MAGI2: variants seen among roughly 807,000 people sequenced by gnomAD.
The protein encoded by MAGI2 is membrane-associated guanylate kinase, WW and PDZ domain-containing protein 2.
MAGI2 carries 35 observed loss-of-function variants against 133.3 expected under a neutral mutation model. The ratio of observed to expected loss-of-function variants is 0.26; its 90% confidence interval spans 0.20 to 0.35. MAGI2 has a LOEUF of 0.35. Among genes scored for constraint, MAGI2 ranks in the 10% least tolerant of loss-of-function variants. MAGI2 has a pLI of 1.00. For synonymous variants in MAGI2, 729 were observed against 710.6 expected, an observed-to-expected ratio of 1.03 and a Z score of -0.41; for missense variants, 1,636 against 1,863.4, an observed-to-expected ratio of 0.88 and a Z score of 2.25.
At chr7:79,399,102 T>C (rs1246996713) in intron 1 of MAGI2, among the ~76,000 whole-genome samples, 1 of 143,984 alleles carries the variant, frequency 6.9e-6, no homozygotes, top group Non-Finnish European at 1.5e-5. Flanking sequence ...TTTCTTTTTT[T>C]TTTTTTTTGG....
intron 20 of MAGI2, among the ~76,000 whole-genome samples, chr7:78,109,218 GGC>G (rs2150458722): frequency 7.7e-6 from 1 of 130,246 alleles, no homozygotes; most frequent in East Asian, 2.6e-4. Flanking sequence ...GCAGGAGAAT[GGC>G]GCGAACCCAG....
chr7:79,441,361 G>A (rs1204147146), intron 1 of MAGI2, among the ~76,000 whole-genome samples: 9 of 152,086 alleles, frequency 5.9e-5, no homozygotes, highest in East Asian at 1.9e-4. Context: ...TGTTAAAAGC[G>A]TCAATTTCCC....
At chr7:78,245,530 T>C (rs1791672783) in intron 10 of MAGI2, among the ~76,000 whole-genome samples, 1 of 151,974 alleles carries the variant, frequency 6.6e-6, no homozygotes, top group African/African-American at 2.4e-5. Context: ...AGGAGAGCAC[T>C]AGTGCACATC....
chr7:78,773,960 C>A (rs955466239), intron 2 of MAGI2, among the ~76,000 whole-genome samples: 5 of 152,174 alleles, frequency 3.3e-5, no homozygotes, highest in Admixed American at 6.5e-5. Flanking sequence ...GAATTACCTG[C>A]AAGTTATAGT....
At chr7:78,660,629 T>C (rs1448016104) in intron 2 of MAGI2, among the ~76,000 whole-genome samples, 1 of 152,142 alleles carries the variant, frequency 6.6e-6, no homozygotes, top group African/African-American at 2.4e-5. Flanking sequence ...ATATGACATA[T>C]TGGTGGCATT....
intron 2 of MAGI2, among the ~76,000 whole-genome samples, chr7:78,666,610 C>G (rs1466984574): frequency 2.0e-5 from 3 of 152,174 alleles, no homozygotes; most frequent in African/African-American, 7.2e-5. Context: ...TCATCTTCAG[C>G]TGACATCTGT....
chr7:78,437,786 G>A (rs545252094), intron 6 of MAGI2, among the ~76,000 whole-genome samples: 2 of 151,808 alleles, frequency 1.3e-5, no homozygotes, highest in Non-Finnish European at 2.9e-5. Context: ...AGTTAACTGT[G>A]AAGTTAAGAA....
intron 3 of MAGI2, chr7:78,614,570 C>G (rs1165463625): frequency 1.3e-5 from 2 of 152,016 alleles, no homozygotes; most frequent in Admixed American, 6.6e-5. Flanking sequence ...TATCTAATCA[C>G]TTTTTAAATG....
intron 3 of MAGI2, among the ~76,000 whole-genome samples, chr7:78,561,296 T>C (rs550314494): frequency 6.6e-6 from 1 of 152,010 alleles, no homozygotes; most frequent in African/African-American, 2.4e-5. Context: ...GGCAGGTGAG[T>C]AGGTAGTTGA....
chr7:79,039,404 G>C (rs1364635937), intron 1 of MAGI2, among the ~76,000 whole-genome samples: 1 of 151,962 alleles, frequency 6.6e-6, no homozygotes, highest in Non-Finnish European at 1.5e-5. Context: ...CTAATATAAT[G>C]TGTCATAATT....
chr7:79,091,375 T>A (rs62460839), intron 1 of MAGI2, among the ~76,000 whole-genome samples: 2,621 of 152,230 alleles, frequency 0.017, 25 homozygotes, highest in Non-Finnish European at 0.026. Context: ...ACACAATTCA[T>A]CTAAAACAGA....
chr7:78,709,698 T>C (rs1020169251), intron 2 of MAGI2, among the ~76,000 whole-genome samples: 3 of 152,216 alleles, frequency 2.0e-5, no homozygotes, highest in Non-Finnish European at 4.4e-5. Flanking sequence ...TCCGGCAGAA[T>C]TTATATGTGT....
At chr7:79,244,974 C>T (rs916927754) in intron 1 of MAGI2, among the ~76,000 whole-genome samples, 8 of 152,130 alleles carry the variant, frequency 5.3e-5, no homozygotes, top group Non-Finnish European at 1.2e-4. Flanking sequence ...TCCTGAAGTT[C>T]CTCTTCCAAA....
chr7:78,804,674 A>G (rs1338785812), intron 2 of MAGI2, among the ~76,000 whole-genome samples: 7 of 147,864 alleles, frequency 4.7e-5, no homozygotes, highest in Non-Finnish European at 7.4e-5. Context: ...GTGTGAACCC[A>G]GGAGGCGGAG....
chr7:78,573,333 A>AAT (rs1248899433), intron 3 of MAGI2, among the ~76,000 whole-genome samples: 10 of 56,582 alleles, frequency 1.8e-4, no homozygotes, highest in African/African-American at 7.5e-4. Flanking sequence ...TATATATATA[A>AAT]ATATATATAT....
chr7:78,767,943 C>T (rs12671666), intron 2 of MAGI2, among the ~76,000 whole-genome samples: 47,204 of 151,952 alleles, frequency 0.31, 7,563 homozygotes, highest in South Asian at 0.47. Flanking sequence ...AATCTCACTG[C>T]GAAAATTTTG....
rs192254575 is a variant in MAGI2, at chr7:78,079,121, G to T, written c.3568-36C>A. The stretch of plus-strand genomic sequence containing the variant: ...AAGAAAAATTAAGTCAGCCAAAGAT[G>T]GTTTTACTCAAGTTGCATTGTCAAC... On this transcript the variant is annotated intron_variant, in intron 20 of 21. Transcript: ENST00000354212. 2.2e-4 allele frequency: 350 copies of T among 1,601,648 alleles called. 2 individuals carry two copies. Among genetic ancestry groups the T allele is most frequent in the Non-Finnish European group, 1.0e-4 (117 of 1,173,426 alleles).
chr7:78,246,467 G>A (rs777488778), intron 10 of MAGI2, among the ~76,000 whole-genome samples: 1 of 152,078 alleles, frequency 6.6e-6, no homozygotes, highest in African/African-American at 2.4e-5. Context: ...AGCATTGGTT[G>A]GGCTGAGACA....
chr7:78,019,222 G>C lies in MAGI2; in HGVS notation c.*93C>G. On this transcript the variant is annotated 3_prime_UTR_variant, in exon 22 of 22. Transcript: ENST00000354212. ...GCCTTGGTGCCTCGTGGATCTATGC[G>C]TGTGACAGTGAAAATAAATTAAAAC... 1 of 1,408,528 alleles carries C rather than the reference G, an allele frequency of 7.1e-7. No homozygotes were observed. Among genetic ancestry groups the C allele is most frequent in the South Asian group, 1.3e-5 (1 of 79,338 alleles). The allele number at this position is 1,408,528 out of a possible 1,614,324, so 87.3% of individuals were successfully genotyped here. A position where few individuals can be genotyped will look rare whatever the true frequency, so the allele number is the denominator to read the frequency against.
Sources: gnomAD v4.1 joint callset for allele counts (sites outside exome capture counted in the v4.1 genomes callset) on GRCh38, gnomAD v4.1.1 for gene constraint, MANE v1.5 for transcripts, NCBI Gene and HGNC (gene_info 2026-07-23, HGNC 2026-07-21) for gene names.